Variants in ABCC6 observed in about 807,000 individuals in gnomAD.
ABCC6 encodes the protein ATP binding cassette subfamily C member 6.
A neutral mutation model predicts 169.5 loss-of-function variants in ABCC6; 126 were observed. That is an observed-to-expected ratio of 0.74 (90% CI 0.64 to 0.86). The LOEUF is 0.86. Among genes scored for constraint, ABCC6 ranks in the 40% least tolerant of loss-of-function variants. The pLI is 0.00. For synonymous variants in ABCC6, 752 were observed against 814.7 expected (o/e 0.92, Z 1.31); for missense variants, 1,733 against 1,927.2 (o/e 0.90, Z 1.89).
intron 13 of ABCC6, 146 bp downstream of exon 13, chr16:16,188,685 A>G (rs952738085): frequency 2.2e-5 from 26 of 1,187,354 alleles, no homozygotes; most frequent in Non-Finnish European, 3.1e-5. Context: ...TCTTGCCCCT[A>G]CCCGCCTCTT....
Position 16,154,747 on chromosome 16 carries a change from C to T in ABCC6, c.4089G>A (p.Leu1363=). 9.9e-6 allele frequency: 16 copies of T among 1,613,066 alleles called. 1 individual carries two copies. The highest frequency in any genetic ancestry group is 1.4e-5 in the Non-Finnish European group (16 of 1,179,692). The part of the protein sequence containing the change: ...PGSLRMNLDL[L]QEHSDEAIWA... ...AGATAGCCTCGTCCGAGTGCTCCTG[C>T]AGCAGGTCGAGGTTCATCCGCAGAG... is the stretch of plus-strand genomic sequence containing the variant. Residue 1363 remains leucine, a synonymous_variant, in exon 29 of 31, where the codon CTG becomes CTA. Coordinates refer to ENST00000205557, the MANE Select transcript of ABCC6 (RefSeq NM_001171.6).
chr16:16,152,509 C>T (rs948548269), intron 29 of ABCC6, among the ~76,000 whole-genome samples: 2 of 152,074 alleles, frequency 1.3e-5, no homozygotes, highest in Non-Finnish European at 2.9e-5. Context: ...CCAATTCCAA[C>T]TCTGTGAAAT....
chr16:16,222,146 G>A lies in ABCC6; in HGVS notation c.37-315C>T, dbSNP rs533456811. The stretch of plus-strand genomic sequence containing the variant: ...GGGCCATGTGGTCTAGGAGACCTGG[G>A]CTCCATAATCATTGCTAGGCATGGA... On this transcript the variant is annotated intron_variant, in intron 1 of 30. Transcript: ENST00000205557. Among the ~76,000 whole-genome samples, 16 of 152,080 alleles carry A rather than the reference G, an allele frequency of 1.1e-4. No individual in the cohort carries two copies. In the South Asian group the frequency reaches 2.9e-3, roughly 28 times the overall value.
At chr16:16,187,958 G>A (rs375583105) in intron 13 of ABCC6, among the ~76,000 whole-genome samples, 1 of 151,588 alleles carries the variant, frequency 6.6e-6, no homozygotes, top group Admixed American at 6.6e-5. Context: ...GCGGCCAGGC[G>A]CGGTGGCTCA....
At chr16:16,205,304 G>A (rs1221440650) in intron 7 of ABCC6, among the ~76,000 whole-genome samples, 2 of 152,172 alleles carry the variant, frequency 1.3e-5, no homozygotes, top group Non-Finnish European at 2.9e-5. Flanking sequence ...GAGAGATGGC[G>A]ACAGCCGCCC....
intron 2 of ABCC6, chr16:16,221,067 G>A: frequency 1.8e-6 from 1 of 564,612 alleles, no homozygotes; most frequent in Non-Finnish European, 2.3e-6. Flanking sequence ...CCAACCCCTG[G>A]GTTGGTGGCG....
chr16:16,174,799 A>C (rs1471526673), intron 20 of ABCC6, among the ~76,000 whole-genome samples: 2 of 139,732 alleles, frequency 1.4e-5, no homozygotes, highest in African/African-American at 5.2e-5. Context: ...AGACACATTA[A>C]ATTTGCTAGA....
rs1469907839 is a variant in ABCC6, at chr16:16,170,934, AAAAAAAAGAAAG to A, written c.2788-1093_2788-1082del. 5.2e-5 allele frequency among the ~76,000 whole-genome samples: 7 copies of A among 133,628 alleles called. No individual in the cohort carries two copies. The South Asian group carries it at 7.6e-4, about 14-fold the overall frequency. The allele number at this position is 133,628 out of a possible 152,430, so 87.7% of individuals were successfully genotyped here. ...AACTCTGTCTCAAAAAAAAAAAAAA[AAAAAAAAGAAAG>A]AAAGAAAGAAAGAAAGAAAGAAAGA... On this transcript the variant is annotated intron_variant, in intron 21 of 30. Transcript: ENST00000205557.
chr16:16,163,399 G>A (rs919658342), intron 23 of ABCC6, among the ~76,000 whole-genome samples: 4 of 152,026 alleles, frequency 2.6e-5, no homozygotes, highest in African/African-American at 7.3e-5. Flanking sequence ...AATCACCTGG[G>A]GAGCTTCAAA....
intron 4 of ABCC6, among the ~76,000 whole-genome samples, chr16:16,215,590 T>C (rs2097264): frequency 0.033 from 4,994 of 150,720 alleles, 97 homozygotes; most frequent in African/African-American, 0.043. Context: ...TCTCCTGCCT[T>C]AGCCTCCTGA....
chr16:16,198,202 A>C lies in ABCC6; in HGVS notation c.1177-20T>G. On this transcript the variant is annotated intron_variant, in intron 9 of 30. Transcript: ENST00000205557. ...CAGGACCTGGCGGGTGGGCAGAAGG[A>C]GAGAAGTAAAGTGGGGAGGCCGGGG... 1 of 1,570,928 alleles carries C rather than the reference A, an allele frequency of 6.4e-7. No individual in the cohort carries two copies. The highest frequency in any genetic ancestry group is 8.6e-7 in the Non-Finnish European group (1 of 1,157,288).
rs552386511 is a variant in ABCC6, at chr16:16,188,526, A to G, written c.1779+305T>C. On this transcript the variant is annotated intron_variant, in intron 13 of 30. Transcript: ENST00000205557. ...GAAACAAAATCGCTTTGTATAAAAA[A>G]GGGAACTGACATGATTGCTTGTATG... Among the ~76,000 whole-genome samples the G allele has an allele frequency of 2.2e-4, 33 of 152,366 alleles. 1 individual carries two copies. In the South Asian group the frequency reaches 5.8e-3, roughly 27 times the overall value.
At chr16:16,193,434 C>T (rs564463154) in intron 10 of ABCC6, among the ~76,000 whole-genome samples, 9 of 152,082 alleles carry the variant, frequency 5.9e-5, no homozygotes, top group South Asian at 2.1e-4. Flanking sequence ...TGCTTTTGGC[C>T]GGGCACGGTG....
intron 13 of ABCC6, among the ~76,000 whole-genome samples, chr16:16,188,225 C>CAA (rs34901331): frequency 0.015 from 1,928 of 125,632 alleles, 33 homozygotes; most frequent in African/African-American, 0.03. Flanking sequence ...ACTAAAAATA[C>CAA]AAAAAAAAAA....
chr16:16,220,433 C>G (rs377416301), intron 2 of ABCC6: 5,806 of 167,990 alleles, frequency 0.035, 115 homozygotes, highest in African/African-American at 0.047. Flanking sequence ...CGTGGGCACA[C>G]CAGAGGGAAG....
At chr16:16,169,562 C>A (rs911706413) in intron 22 of ABCC6, 84 bp downstream of exon 22, 1 of 1,503,516 alleles carries the variant, frequency 6.7e-7, no homozygotes. Context: ...ACAGGGTGAC[C>A]CAGGGAGGGG....
rs1327024426 is a variant in ABCC6 at position 16,221,632 on chromosome 16, C to T, written c.219+17G>A. ...CCGAACATTGCCTGGTTCCAGGCTC[C>T]CAGGGATGGCAGCTACCATCTTGGC... On this transcript the variant is annotated intron_variant, in intron 2 of 30. Transcript: ENST00000205557. 6.2e-7 allele frequency: 1 copy of T among 1,613,638 alleles called. No homozygotes were observed. The highest frequency in any genetic ancestry group is 8.5e-7 in the Non-Finnish European group (1 of 1,179,732).
At chr16:16,185,073 C>T in intron 14 of ABCC6, 39 bp from the exon 15 acceptor site, 1 of 1,590,094 alleles carries the variant, frequency 6.3e-7, no homozygotes, top group Non-Finnish European at 8.6e-7. Context: ...AGACCCCTGA[C>T]CTGGCCGGCC....
intron 10 of ABCC6, among the ~76,000 whole-genome samples, chr16:16,194,940 A>G (rs578012483): frequency 6.6e-6 from 1 of 151,980 alleles, no homozygotes; most frequent in African/African-American, 2.4e-5. Flanking sequence ...TCAGCCTCCC[A>G]AAGTGCTGAT....
Sources: gnomAD v4.1 joint callset for allele counts (sites outside exome capture counted in the v4.1 genomes callset) on GRCh38, gnomAD v4.1.1 for gene constraint, MANE v1.5 for transcripts, NCBI Gene and HGNC (gene_info 2026-07-23, HGNC 2026-07-21) for gene names.